Variants in TUBB8B observed in about 807,000 individuals in gnomAD.
TUBB8B encodes the protein tubulin beta 8B.
A neutral mutation model predicts 31.9 loss-of-function variants in TUBB8B; 26 were observed. The ratio of observed to expected loss-of-function variants is 0.81; its 90% confidence interval spans 0.60 to 1.13. TUBB8B has a LOEUF of 1.13. TUBB8B is among the 50% of genes most tolerant of loss of function. TUBB8B has a pLI of 0.00. For missense variants in TUBB8B, 467 were observed against 586.7 expected, an observed-to-expected ratio of 0.80 and a Z score of 2.11; for synonymous variants, 173 against 231.0, an observed-to-expected ratio of 0.75 and a Z score of 2.28.
At chr18:63,723 A>C in the TUBB8B span, among the ~76,000 whole-genome samples, 1 of 135,608 alleles carries the variant, frequency 7.4e-6, no homozygotes, top group Non-Finnish European at 1.6e-5. Context: ...CACTAACCCT[A>C]ACCCCTAACC....
upstream of TUBB8B, among the ~76,000 whole-genome samples, chr18:52,647 T>C (rs1203607258): frequency 1.9e-4 from 29 of 151,896 alleles, 1 homozygote; most frequent in Non-Finnish European, 3.8e-4. Flanking sequence ...GTGGGGGTCT[T>C]GTCTTGGTGT....
the TUBB8B span, among the ~76,000 whole-genome samples, chr18:56,286 C>T: frequency 6.6e-6 from 1 of 151,734 alleles, no homozygotes; most frequent in African/African-American, 2.4e-5. Flanking sequence ...GGTTTATATA[C>T]TCAGAATAGC....
At chr18:60,929 C>T in the TUBB8B span, among the ~76,000 whole-genome samples, 7 of 151,784 alleles carry the variant, frequency 4.6e-5, no homozygotes, top group East Asian at 1.4e-3. Flanking sequence ...GTGTATTCTG[C>T]AGCTGTTGAA....
At chr18:73,362 TC>T in the TUBB8B span, 890 of 164,312 alleles carry the variant, frequency 5.4e-3, 16 homozygotes, top group East Asian at 0.041. Context: ...CGTCTCCCTG[TC>T]CTCACAGCGG....
the TUBB8B span, among the ~76,000 whole-genome samples, chr18:72,688 G>A: frequency 1.3e-5 from 2 of 152,118 alleles, no homozygotes; most frequent in African/African-American, 4.8e-5. Flanking sequence ...GCACTGACCA[G>A]GCGACGTGGC....
the TUBB8B span, among the ~76,000 whole-genome samples, chr18:68,160 T>C: frequency 6.6e-6 from 1 of 152,154 alleles, no homozygotes; most frequent in South Asian, 2.1e-4. Context: ...GGTATTACTG[T>C]GGTTGTTTGT....
chr18:52,525 TCTCA>T (rs541277064), upstream of TUBB8B, among the ~76,000 whole-genome samples: 447 of 151,836 alleles, frequency 2.9e-3, 2 homozygotes, highest in African/African-American at 0.01. Context: ...CCCTAGGGCC[TCTCA>T]CTTAAGTAAT....
Position 48,108 on chromosome 18 carries a change from G to T in TUBB8B, c.617C>A (p.Ala206Glu), listed in dbSNP as rs553305085. ...GGTCCTGGAACATATGTCATATAGCGCTTCGTTATCTATGCAGAAGGTCTC... is the reference window on the plus strand; with the variant it reads ...GGTCCTGGAACATATGTCATATAGCTCTTCGTTATCTATGCAGAAGGTCTC... Reference protein sequence around the residue: ...ADETFCIDNEALYDICSRTLK... With the variant: ...ADETFCIDNEELYDICSRTLK... Residue 206 changes from alanine to glutamate, a missense_variant, in exon 4 of 4, where the codon GCG becomes GAG. Ala to Glu is a moderately radical substitution (Grantham distance 107). Coordinates refer to ENST00000308911, the MANE Select transcript of TUBB8B (RefSeq NM_001358689.2). 20 of 1,613,964 alleles carry T rather than the reference G, an allele frequency of 1.2e-5. No homozygotes were observed. The highest frequency in any genetic ancestry group is 2.2e-5 in the South Asian group (2 of 91,080).
rs1905911018 is a variant in TUBB8B, at chr18:49,081, G to T, written c.167-31C>A. On this transcript the variant is annotated intron_variant, in intron 2 of 3. Transcript: ENST00000308911. ...TGGGGCGGGAGGGCATGAGCGAGGG[G>T]AGGGCCGCGTTCCCAGGAGGGCGGT... 2.0e-6 allele frequency: 3 copies of T among 1,530,510 alleles called. No individual in the cohort carries two copies. In the South Asian group the frequency reaches 3.4e-5, roughly 17 times the overall value. 94.8% of individuals were successfully genotyped at this position (1,530,510 alleles called of 1,614,324 possible). A position where few individuals can be genotyped will look rare whatever the true frequency, so the allele number is the denominator to read the frequency against.
chr18:61,681 C>A, the TUBB8B span, among the ~76,000 whole-genome samples: 74 of 151,042 alleles, frequency 4.9e-4, no homozygotes, highest in African/African-American at 1.8e-3. Context: ...AGACTGTGGA[C>A]AATTTAACAT....
At chr18:66,004 A>C in the TUBB8B span, among the ~76,000 whole-genome samples, 3 of 152,150 alleles carry the variant, frequency 2.0e-5, no homozygotes, top group South Asian at 6.2e-4. Context: ...TGAGGTGGGA[A>C]GATCTTTTGA....
At chr18:54,033 G>A (rs1487752034), upstream of TUBB8B, among the ~76,000 whole-genome samples, 1 of 151,646 alleles carries the variant, frequency 6.6e-6, no homozygotes, top group Non-Finnish European at 1.5e-5. Context: ...AGGGTTCCCT[G>A]CAGGGACTGA....
At chr18:49,289 C>T in intron 1 of TUBB8B, 52 bp from the exon 2 acceptor site, 2 of 1,489,788 alleles carry the variant, frequency 1.3e-6, no homozygotes, top group South Asian at 1.2e-5. Context: ...ACGGAGGCGC[C>T]CCAGCCGCTC....
chr18:49,158 C>A lies in TUBB8B; in HGVS notation c.137G>T (p.Arg46Leu), dbSNP rs764516966. The stretch of plus-strand genomic sequence containing the variant: ...GGCCTCGTGGTGGTGCACGTTGATG[C>A]GCTCCAGCTGCAGGTGGCTGTCCCC... Reference protein sequence around the residue: ...YHGDSHLQLERINVHHHEASG... With the variant: ...YHGDSHLQLELINVHHHEASG... The change falls in exon 2 of 4, where the codon CGC becomes CTC. Residue 46 changes from arginine to leucine, a missense_variant. Around this residue, in one of 2 missense-constraint regions of TUBB8B, gnomAD observed 259 missense variants for 380.1 expected, o/e 0.68. Coordinates refer to ENST00000308911, the MANE Select transcript of TUBB8B (RefSeq NM_001358689.2). 1 of 1,016,858 alleles carries A rather than the reference C, an allele frequency of 9.8e-7. No homozygotes were observed. Among genetic ancestry groups the A allele is most frequent in the South Asian group, 1.8e-5 (1 of 56,410 alleles). 63.0% of individuals were successfully genotyped at this position (1,016,858 alleles called of 1,614,324 possible).
At chr18:53,439 C>G (rs12955059), upstream of TUBB8B, among the ~76,000 whole-genome samples, 1 of 151,706 alleles carries the variant, frequency 6.6e-6, no homozygotes, top group Non-Finnish European at 1.5e-5. Context: ...GAAATTTTGT[C>G]TGGAACACAA....
chr18:65,171 G>A, the TUBB8B span, among the ~76,000 whole-genome samples: 1 of 151,964 alleles, frequency 6.6e-6, no homozygotes, highest in Non-Finnish European at 1.5e-5. Context: ...TGTGGTGGCA[G>A]GAGCCTGTAA....
At chr18:72,196 A>AAAAAGAAAAAAAAAAAAAAAAAAAAAAC in the TUBB8B span, among the ~76,000 whole-genome samples, 1 of 84,534 alleles carries the variant, frequency 1.2e-5, no homozygotes, top group Non-Finnish European at 2.4e-5. Flanking sequence ...AAAAAAAAAA[A>AAAAAGAAAAAAAAAAAAAAAAAAAAAAC]AAAGGAAAAA....
the TUBB8B span, among the ~76,000 whole-genome samples, chr18:60,550 GTTATT>G: frequency 6.6e-6 from 1 of 151,510 alleles, no homozygotes; most frequent in African/African-American, 2.4e-5. Context: ...GTATTGTTAG[GTTATT>G]TATTTGCAGC....
chr18:55,526 C>G, the TUBB8B span, among the ~76,000 whole-genome samples: 70 of 151,778 alleles, frequency 4.6e-4, 1 homozygote, highest in East Asian at 0.011. Context: ...GCAGGCGAGA[C>G]AGCATGTATG....
Sources: allele counts gnomAD v4.1 joint callset (sites outside exome capture counted in the v4.1 genomes callset), GRCh38; gene constraint gnomAD v4.1.1; regional missense constraint gnomAD v4.1.1; transcripts MANE v1.5; gene names NCBI Gene and HGNC (gene_info 2026-07-23, HGNC 2026-07-21).